The following ADGRG6 variants were observed in gnomAD, a reference collection of about 807,000 sequenced individuals.
The protein encoded by ADGRG6 is G-protein coupled receptor 126.
ADGRG6 carries 84 observed loss-of-function variants against 142.4 expected under a neutral mutation model. That is an observed-to-expected ratio of 0.59 (90% confidence interval 0.49 to 0.71). The LOEUF is 0.71. Ranked by LOEUF, ADGRG6 falls within the 30% of genes least tolerant of loss-of-function variation. The pLI is 0.00. For synonymous variants in ADGRG6, 521 were observed against 520.5 expected, an observed-to-expected ratio of 1.00 and a Z score of -0.01; for missense variants, 1,367 against 1,466.6, an observed-to-expected ratio of 0.93 and a Z score of 1.11.
At chr6:142,357,943 A>G (rs976647250) in intron 2 of ADGRG6, among the ~76,000 whole-genome samples, 3 of 152,230 alleles carry the variant, frequency 2.0e-5, no homozygotes, top group Non-Finnish European at 4.4e-5. Context: ...AGTCACAACA[A>G]CACTGAAAAC....
chr6:142,364,460 A>G (rs139451794), intron 2 of ADGRG6, among the ~76,000 whole-genome samples: 2 of 152,128 alleles, frequency 1.3e-5, no homozygotes, highest in Non-Finnish European at 2.9e-5. Context: ...GTGGTGTGCT[A>G]TTTTACCTCT....
In ADGRG6 at chr6:142,326,242, G is replaced by A. The variant is rs1038834385; in HGVS notation, c.103+16598G>A. The stretch of plus-strand genomic sequence containing the variant: ...TGTTTCTGGAACAATTCATGTACAC[G>A]GATTTAAAGTGGGATACATCAAAAC... On this transcript the variant is annotated intron_variant, in intron 2 of 24. Coordinates refer to ENST00000367609, the MANE Select transcript of ADGRG6 (RefSeq NM_198569.3). Among the ~76,000 whole-genome samples the A allele has an allele frequency of 1.4e-4, 21 of 151,366 alleles. 1 individual carries two copies. The highest frequency in any genetic ancestry group is 2.6e-4 in the Admixed American group (4 of 15,160).
At position 142,438,273 on chromosome 6, in the gene ADGRG6, G is replaced by T; in HGVS notation, c.3483G>T (p.Leu1161Phe). Residue 1161 changes from leucine to phenylalanine, a missense_variant, in exon 24 of 25, where the codon TTG becomes TTT. By Grantham distance (22) the Leu-to-Phe change is conservative. Coordinates refer to ENST00000367609, the MANE Select transcript of ADGRG6 (RefSeq NM_198569.3). ...GTTCTGATAATCTAGGAAAATCTTT[G>T]TCTTCAAGCTCCATTGGTTCCAACT... ...KKSSDNLGKS[L>F]SSSSIGSNST... 1 of 1,602,668 alleles carries T rather than the reference G, an allele frequency of 6.2e-7. No individual in the cohort carries two copies. The highest frequency in any genetic ancestry group is 1.1e-5 in the South Asian group (1 of 90,118).
chr6:142,325,673 T>G (rs2114634116), intron 2 of ADGRG6, among the ~76,000 whole-genome samples: 1 of 152,272 alleles, frequency 6.6e-6, no homozygotes, highest in East Asian at 1.9e-4. Context: ...TTCAATGAAT[T>G]ATTTAGAAAC....
chr6:142,342,324 T>G lies in ADGRG6; in HGVS notation c.104-25245T>G, dbSNP rs190650554. 1.7e-3 allele frequency among the ~76,000 whole-genome samples: 257 copies of G among 152,270 alleles called. 1 individual carries two copies. Among genetic ancestry groups the G allele is most frequent in the Admixed American group, 2.4e-3 (37 of 15,278 alleles). Reference sequence around the variant, plus strand: ...AGAGAAGATGCATTTCCACAATGCTTTCTCAGTCCATACTTAGGCTGTGCT... The same window carrying G: ...AGAGAAGATGCATTTCCACAATGCTGTCTCAGTCCATACTTAGGCTGTGCT... On this transcript the variant is annotated intron_variant, in intron 2 of 24. Coordinates refer to ENST00000367609, the MANE Select transcript of ADGRG6 (RefSeq NM_198569.3).
intron 7 of ADGRG6, 29 bp downstream of exon 7, chr6:142,390,372 A>T (rs1295353874): frequency 1.5e-6 from 2 of 1,317,778 alleles, no homozygotes; most frequent in East Asian, 2.3e-5. Context: ...TTTCTTTTTT[A>T]AAAAAATTCT....
intron 22 of ADGRG6, among the ~76,000 whole-genome samples, chr6:142,432,695 T>G (rs1729450793): frequency 6.6e-6 from 1 of 152,206 alleles, no homozygotes; most frequent in Non-Finnish European, 1.5e-5. Flanking sequence ...AAAAATTGTT[T>G]TATTAAGTCA....
intron 2 of ADGRG6, among the ~76,000 whole-genome samples, chr6:142,315,257 T>C (rs2114550206): frequency 6.6e-6 from 1 of 152,256 alleles, no homozygotes; most frequent in East Asian, 1.9e-4. Flanking sequence ...GAGTTTTCTT[T>C]TTATTTTCAG....
At chr6:142,317,242 C>CT (rs1554230285) in intron 2 of ADGRG6, among the ~76,000 whole-genome samples, 1 of 152,014 alleles carries the variant, frequency 6.6e-6, no homozygotes, top group South Asian at 2.1e-4. Context: ...GAGATGTCTG[C>CT]TTTTTTTATT....
At chr6:142,392,856 C>T (rs1774970267) in intron 7 of ADGRG6, 92 bp from the exon 8 acceptor site, 3 of 819,684 alleles carry the variant, frequency 3.7e-6, no homozygotes, top group African/African-American at 1.7e-5. Context: ...AGGGTCTTAT[C>T]TCAGTAACAA....
intron 6 of ADGRG6, among the ~76,000 whole-genome samples, chr6:142,388,778 C>T (rs919965745): frequency 2.6e-5 from 4 of 151,954 alleles, no homozygotes; most frequent in African/African-American, 7.2e-5. Context: ...TTCCCACCAT[C>T]GTAAAGTTGA....
intron 1 of ADGRG6, 84 bp from the exon 2 acceptor site, chr6:142,309,460 C>A: frequency 1.1e-6 from 1 of 912,560 alleles, no homozygotes; most frequent in Non-Finnish European, 1.7e-6. Flanking sequence ...CCAGTCCCTA[C>A]TGGAAACCTA....
intron 2 of ADGRG6, among the ~76,000 whole-genome samples, chr6:142,356,259 A>G (rs928310418): frequency 2.6e-5 from 4 of 152,224 alleles, no homozygotes; most frequent in Non-Finnish European, 5.9e-5. Flanking sequence ...TTCCTGATGT[A>G]ACCACACTCT....
intron 10 of ADGRG6, among the ~76,000 whole-genome samples, 165 bp from the exon 11 acceptor site, chr6:142,400,320 A>G (rs1775444133): frequency 2.6e-5 from 4 of 151,200 alleles, no homozygotes. Flanking sequence ...TCTAACTTCT[A>G]ATTTTTTTTT....
At chr6:142,370,818 T>A in intron 4 of ADGRG6, 25 bp downstream of exon 4, 1 of 1,601,206 alleles carries the variant, frequency 6.2e-7, no homozygotes, top group Non-Finnish European at 8.5e-7. Context: ...TATTCCTTTT[T>A]TTTTTTTTTT....
At chr6:142,338,935 A>C (rs1003052685) in intron 2 of ADGRG6, among the ~76,000 whole-genome samples, 5 of 152,288 alleles carry the variant, frequency 3.3e-5, no homozygotes, top group African/African-American at 1.2e-4. Flanking sequence ...AAAAATTATC[A>C]AATTTCCTTA....
At chr6:142,335,705 G>A (rs1279827807) in intron 2 of ADGRG6, among the ~76,000 whole-genome samples, 1 of 152,130 alleles carries the variant, frequency 6.6e-6, no homozygotes, top group African/African-American at 2.4e-5. Context: ...CATAGGGGGT[G>A]GGGTGGGAGA....
chr6:142,323,930 G>C (rs1562311821), intron 2 of ADGRG6, among the ~76,000 whole-genome samples: 1 of 151,982 alleles, frequency 6.6e-6, no homozygotes. Flanking sequence ...TTATACCACT[G>C]TATTTTTATT....
At chr6:142,427,258 G>A (rs1776989198) in intron 22 of ADGRG6, among the ~76,000 whole-genome samples, 1 of 151,982 alleles carries the variant, frequency 6.6e-6, no homozygotes, top group South Asian at 2.1e-4. Context: ...TGAATGTTTT[G>A]TTGCTTAGAA....
Sources: gnomAD v4.1 joint callset for allele counts (sites outside exome capture counted in the v4.1 genomes callset) on GRCh38, gnomAD v4.1.1 for gene constraint, MANE v1.5 for transcripts, NCBI Gene and HGNC (gene_info 2026-07-23, HGNC 2026-07-21) for gene names.